SMARCA2: variants seen among roughly 807,000 people sequenced by gnomAD.
SMARCA2 encodes the protein SWI/SNF related BAF chromatin remodeling complex subunit ATPase 2.
SMARCA2 carries 61 observed loss-of-function variants against 199.8 expected under a neutral mutation model. The ratio of observed to expected loss-of-function variants is 0.31; its 90% CI spans 0.25 to 0.38. The LOEUF is 0.38. Among genes scored for constraint, SMARCA2 ranks in the 10% least tolerant of loss-of-function variants. The pLI is 1.00. For missense variants in SMARCA2, 1,344 were observed against 2,012.2 expected, an observed-to-expected ratio of 0.67 and a Z score of 6.35; for synonymous variants, 935 against 732.0, an observed-to-expected ratio of 1.28 and a Z score of -4.48.
intron 4 of SMARCA2, chr9:2,045,236 A>G (rs1225523560): frequency 2.6e-5 from 4 of 152,260 alleles, no homozygotes; most frequent in Admixed American, 6.5e-5. Flanking sequence ...TTGCTTTTAG[A>G]GGACCTAAAT....
At chr9:2,063,878 C>G (rs1181658414) in intron 9 of SMARCA2, among the ~76,000 whole-genome samples, 3 of 152,038 alleles carry the variant, frequency 2.0e-5, no homozygotes, top group Admixed American at 6.5e-5. Flanking sequence ...CTCATCATTA[C>G]AGACATTTTT....
chr9:2,157,715 T>C (rs1825439285), intron 27 of SMARCA2: 1 of 387,126 alleles, frequency 2.6e-6, no homozygotes, highest in Admixed American at 4.5e-5. Flanking sequence ...TGCGCAGGAG[T>C]TGGCTTGGGG....
chr9:2,111,463 GC>G (rs1429823407), intron 24 of SMARCA2, among the ~76,000 whole-genome samples: 5 of 142,232 alleles, frequency 3.5e-5, no homozygotes, highest in Non-Finnish European at 1.5e-5. Flanking sequence ...CCGCTCTCCA[GC>G]CCGGGCGACA....
At position 2,170,588 on chromosome 9, in the gene SMARCA2, C is replaced by T. The variant is rs1000881702; in HGVS notation, c.4253+116C>T. On this transcript the variant is annotated intron_variant, in intron 29 of 33. Transcript: ENST00000349721. The surrounding 1 kb of genome is among the most constrained non-coding windows in gnomAD (Gnocchi z 4.7). ...CAAATTTCTTCGGTCACCTCCTGAT[C>T]ACCCCTACTTGGAGAGCGGGATAGA... 2.6e-6 allele frequency: 4 copies of T among 1,538,780 alleles called. No individual in the cohort carries two copies. The South Asian group carries it at 3.5e-5, about 14-fold the overall frequency.
In SMARCA2 at chr9:2,029,098, A is replaced by T; in HGVS notation, c.76A>T (p.Ile26Phe). The T allele has an allele frequency of 6.3e-7, 1 of 1,591,790 alleles. No individual in the cohort carries two copies. Among genetic ancestry groups the T allele is most frequent in the Non-Finnish European group, 8.6e-7 (1 of 1,167,510 alleles). The change falls in exon 2 of 34, where the codon ATT becomes TTT. Residue 26 changes from isoleucine to phenylalanine, a missense_variant. Ile to Phe is a conservative substitution (Grantham distance 21, BLOSUM62 0). Coordinates refer to ENST00000349721, the MANE Select transcript of SMARCA2 (RefSeq NM_003070.5). ...GGGGCCTGGGCCTTCCCCTGGGCCA[A>T]TTCTTGGGCCTAGTCCAGGACCAGG... ...SPGPGPSPGP[I>F]LGPSPGPGPS...
intron 12 of SMARCA2, 95 bp from the exon 13 acceptor site, chr9:2,076,134 A>G: frequency 2.8e-6 from 2 of 706,240 alleles, no homozygotes; most frequent in Non-Finnish European, 5.0e-6. Flanking sequence ...TCATTTGTGA[A>G]GTTCAATACT....
chr9:2,159,940 G>A lies in SMARCA2; in HGVS notation c.3982-1746G>A. On this transcript the variant is annotated intron_variant, in intron 27 of 33. Transcript: ENST00000349721. The stretch of plus-strand genomic sequence containing the variant: ...TATCCTTTTTCGTTGCCGTCTTGAA[G>A]ATTCAGTAGAACTACATCCCAGGCA... 1.9e-6 allele frequency: 3 copies of A among 1,590,810 alleles called. No homozygotes were observed. The South Asian group carries it at 3.4e-5, about 18-fold the overall frequency.
chr9:2,128,188 G>A (rs1187061760), intron 27 of SMARCA2, among the ~76,000 whole-genome samples: 1 of 152,148 alleles, frequency 6.6e-6, no homozygotes, highest in African/African-American at 2.4e-5. Flanking sequence ...CACGGCATTG[G>A]GGGCGAGCAT....
intron 18 of SMARCA2, 90 bp downstream of exon 18, chr9:2,087,161 C>G (rs1821835832): frequency 4.0e-6 from 6 of 1,492,390 alleles, no homozygotes; most frequent in Non-Finnish European, 5.5e-6. Flanking sequence ...CACAGAACAC[C>G]CGCAGGGTGG....
intron 1 of SMARCA2, among the ~76,000 whole-genome samples, chr9:2,025,945 C>T (rs1818809650): frequency 6.6e-6 from 1 of 152,176 alleles, no homozygotes. Context: ...CATTAATGGA[C>T]TTTCCAACAC....
intron 16 of SMARCA2, 76 bp from the exon 17 acceptor site, chr9:2,084,010 T>C (rs1821684859): frequency 2.6e-6 from 2 of 757,866 alleles, no homozygotes; most frequent in Non-Finnish European, 4.6e-6. Flanking sequence ...CTGGGCATCA[T>C]TAAGCTATGA....
At chr9:2,111,388 A>G (rs988943369) in intron 24 of SMARCA2, among the ~76,000 whole-genome samples, 1 of 150,816 alleles carries the variant, frequency 6.6e-6, no homozygotes, top group Non-Finnish European at 1.5e-5. Flanking sequence ...GTTCCTCAGC[A>G]GGCTGAGGTG....
intron 4 of SMARCA2, chr9:2,040,139 A>G: frequency 3.7e-6 from 3 of 803,596 alleles, no homozygotes; most frequent in South Asian, 3.9e-5. Context: ...AGACCCAGGG[A>G]AAAAGCACCT....
intron 12 of SMARCA2, chr9:2,075,515 T>G (rs1821283653): frequency 6.6e-6 from 1 of 152,234 alleles, no homozygotes; most frequent in Non-Finnish European, 1.5e-5. Context: ...TGAGAGTTTT[T>G]AATCTCAGTA....
intron 19 of SMARCA2, among the ~76,000 whole-genome samples, chr9:2,094,230 T>A (rs1403807492): frequency 6.6e-6 from 1 of 152,208 alleles, no homozygotes; most frequent in South Asian, 2.1e-4. Flanking sequence ...TTTTTGATCC[T>A]GTGTATTAAA....
chr9:2,178,537 G>A (rs1826783586), intron 29 of SMARCA2, among the ~76,000 whole-genome samples: 2 of 152,070 alleles, frequency 1.3e-5, no homozygotes, highest in Admixed American at 6.6e-5. Context: ...TGTACAATTA[G>A]ACTATTGTTC....
At chr9:2,055,583 G>A (rs1234113869) in intron 6 of SMARCA2, 6 of 152,232 alleles carry the variant, frequency 3.9e-5, no homozygotes, top group Non-Finnish European at 8.8e-5. Flanking sequence ...GTTGGAGGAT[G>A]TGACTAAAAT....
intron 3 of SMARCA2, among the ~76,000 whole-genome samples, chr9:2,038,804 T>A (rs1045040413): frequency 1.3e-5 from 2 of 152,198 alleles, no homozygotes. Context: ...ACTGTGACAG[T>A]TGAGTGCAAG....
At chr9:2,058,678 G>C (rs1347243633) in intron 8 of SMARCA2, among the ~76,000 whole-genome samples, 1 of 152,180 alleles carries the variant, frequency 6.6e-6, no homozygotes, top group African/African-American at 2.4e-5. Flanking sequence ...GATGCGTATA[G>C]TATTTCTGTG....
Sources: allele counts gnomAD v4.1 joint callset (sites outside exome capture counted in the v4.1 genomes callset), GRCh38; gene constraint gnomAD v4.1.1; non-coding constraint Gnocchi (gnomAD v3.1); transcripts MANE v1.5; gene names NCBI Gene and HGNC (gene_info 2026-07-23, HGNC 2026-07-21).